The following HS6ST3 variants were observed in gnomAD, a reference collection of about 807,000 sequenced individuals.
The protein encoded by HS6ST3 is heparan-sulfate 6-O-sulfotransferase 3.
Under a neutral mutation model 36.7 loss-of-function variants are expected in HS6ST3, and 12 were observed. That is an observed-to-expected ratio of 0.33 (90% CI 0.21 to 0.53). The LOEUF is 0.53. Among genes scored for constraint, HS6ST3 ranks in the 20% least tolerant of loss-of-function variants. The pLI, the probability that HS6ST3 is intolerant of heterozygous loss-of-function variation, is 0.95. For missense variants in HS6ST3, 584 were observed against 640.9 expected, an observed-to-expected ratio of 0.91 and a Z score of 0.96; for synonymous variants, 240 against 257.5, an observed-to-expected ratio of 0.93 and a Z score of 0.65.
At chr13:96,462,714 T>G (rs1327917) in intron 1 of HS6ST3, among the ~76,000 whole-genome samples, 16 of 152,290 alleles carry the variant, frequency 1.1e-4, no homozygotes, top group Non-Finnish European at 2.1e-4. Flanking sequence ...AAATGATTTA[T>G]AAATATATTG....
intron 1 of HS6ST3, among the ~76,000 whole-genome samples, chr13:96,624,806 T>A (rs2056506579): frequency 1.3e-5 from 2 of 152,234 alleles, no homozygotes. Flanking sequence ...TTCACAACCA[T>A]AAAATATACC....
intron 1 of HS6ST3, among the ~76,000 whole-genome samples, chr13:96,493,572 A>C (rs938023247): frequency 6.6e-6 from 1 of 152,194 alleles, no homozygotes; most frequent in Non-Finnish European, 1.5e-5. Flanking sequence ...ATCTGTTAAA[A>C]TAAATTAATA....
At chr13:96,636,250 G>A (rs2056549449) in intron 1 of HS6ST3, among the ~76,000 whole-genome samples, 2 of 152,202 alleles carry the variant, frequency 1.3e-5, no homozygotes, top group South Asian at 4.1e-4. Context: ...CGTACAGCAA[G>A]CACTGCCATC....
At chr13:96,572,043 C>A (rs2056302746) in intron 1 of HS6ST3, among the ~76,000 whole-genome samples, 1 of 152,182 alleles carries the variant, frequency 6.6e-6, no homozygotes, top group African/African-American at 2.4e-5. Context: ...GAAGACTGTG[C>A]TCCATCCTAG....
chr13:96,747,338 T>A (rs57261742), intron 1 of HS6ST3, among the ~76,000 whole-genome samples: 21,576 of 152,158 alleles, frequency 0.14, 1,629 homozygotes, highest in Admixed American at 0.18. Flanking sequence ...TTGGCGGGAT[T>A]GGAATGATAT....
At chr13:96,699,252 G>A (rs972022653) in intron 1 of HS6ST3, among the ~76,000 whole-genome samples, 6 of 152,146 alleles carry the variant, frequency 3.9e-5, no homozygotes, top group South Asian at 2.1e-4. Context: ...TGACAAATGG[G>A]ATCTAACTAA....
chr13:96,466,746 A>G (rs1047544506), intron 1 of HS6ST3, among the ~76,000 whole-genome samples: 2 of 144,754 alleles, frequency 1.4e-5, no homozygotes, highest in Non-Finnish European at 3.0e-5. Context: ...CAAACCATGA[A>G]GTTGGATACC....
intron 1 of HS6ST3, among the ~76,000 whole-genome samples, chr13:96,701,080 G>A (rs906314286): frequency 2.0e-5 from 3 of 152,248 alleles, no homozygotes; most frequent in Admixed American, 6.5e-5. Context: ...CAATTTTTTA[G>A]CTGATTTTGG....
At chr13:96,558,779 G>T (rs72642766) in intron 1 of HS6ST3, among the ~76,000 whole-genome samples, 10,801 of 152,212 alleles carry the variant, frequency 0.071, 436 homozygotes, top group Middle Eastern at 0.095. Flanking sequence ...GTATGGATAA[G>T]AAAGGTGTTT....
chr13:96,583,201 T>TTCC (rs1566403464), intron 1 of HS6ST3, among the ~76,000 whole-genome samples: 5 of 115,980 alleles, frequency 4.3e-5, no homozygotes, highest in Non-Finnish European at 6.8e-5. Flanking sequence ...TTCTTTTTCT[T>TTCC]TTCTTTTTTT....
intron 1 of HS6ST3, among the ~76,000 whole-genome samples, chr13:96,652,106 G>A: frequency 6.6e-6 from 1 of 152,000 alleles, no homozygotes; most frequent in East Asian, 1.9e-4. Context: ...TACAGTTTAT[G>A]TATACACACA....
At chr13:96,825,730 C>G (rs1958599786) in intron 1 of HS6ST3, among the ~76,000 whole-genome samples, 1 of 152,250 alleles carries the variant, frequency 6.6e-6, no homozygotes, top group African/African-American at 2.4e-5. Context: ...ACATCCTGCT[C>G]CAGTCTATGC....
At chr13:96,502,313 C>T (rs894748209) in intron 1 of HS6ST3, among the ~76,000 whole-genome samples, 1 of 150,832 alleles carries the variant, frequency 6.6e-6, no homozygotes. Context: ...AGTAAAGCAC[C>T]AGCATGTTGC....
At chr13:96,235,176 G>A (rs2054528356) in intron 1 of HS6ST3, among the ~76,000 whole-genome samples, 1 of 152,166 alleles carries the variant, frequency 6.6e-6, no homozygotes. Flanking sequence ...GTTTCCCATA[G>A]TTCGTATGAT....
At chr13:96,479,705 C>G (rs1354539621) in intron 1 of HS6ST3, among the ~76,000 whole-genome samples, 2 of 152,166 alleles carry the variant, frequency 1.3e-5, no homozygotes, top group African/African-American at 4.8e-5. Flanking sequence ...CTAAGTTACA[C>G]TGCTATAAAA....
intron 1 of HS6ST3, among the ~76,000 whole-genome samples, chr13:96,532,712 A>G (rs1273880140): frequency 6.6e-6 from 1 of 152,156 alleles, no homozygotes; most frequent in African/African-American, 2.4e-5. Context: ...AAATCACTGA[A>G]CAAAAGAAGG....
intron 1 of HS6ST3, among the ~76,000 whole-genome samples, chr13:96,486,887 A>G (rs2055918093): frequency 6.6e-6 from 1 of 152,130 alleles, no homozygotes; most frequent in African/African-American, 2.4e-5. Context: ...CCGTAGCAAA[A>G]ATGCCCTTGA....
intron 1 of HS6ST3, among the ~76,000 whole-genome samples, chr13:96,770,349 G>A (rs1226971798): frequency 6.6e-6 from 1 of 152,168 alleles, no homozygotes; most frequent in Non-Finnish European, 1.5e-5. Flanking sequence ...TTTCTCTTGA[G>A]CATAATTTTA....
intron 1 of HS6ST3, among the ~76,000 whole-genome samples, chr13:96,227,133 C>T (rs1252874838): frequency 6.6e-6 from 1 of 152,096 alleles, no homozygotes; most frequent in Non-Finnish European, 1.5e-5. Flanking sequence ...TTTGCACGTT[C>T]CATACAAAAG....
Sources: gnomAD v4.1 joint callset for allele counts (sites outside exome capture counted in the v4.1 genomes callset) on GRCh38, gnomAD v4.1.1 for gene constraint, MANE v1.5 for transcripts, NCBI Gene and HGNC (gene_info 2026-07-23, HGNC 2026-07-21) for gene names.